The following PDE1C variants were observed in gnomAD, a reference collection of about 807,000 sequenced individuals.
PDE1C encodes the protein phosphodiesterase 1C, also known as dual specificity calcium/calmodulin-dependent 3',5'-cyclic nucleotide phosphodiesterase 1C.
A neutral mutation model predicts 93.1 loss-of-function variants in PDE1C; 62 were observed. The observed-to-expected ratio is 0.67, with a 90% CI of 0.54 to 0.82. The LOEUF is 0.82. Ranked by LOEUF, PDE1C falls within the 40% of genes least tolerant of loss-of-function variation. The pLI, the probability that PDE1C is intolerant of heterozygous loss-of-function variation, is 0.00. For missense variants in PDE1C, 742 were observed against 884.6 expected, an observed-to-expected ratio of 0.84 and a Z score of 2.04; for synonymous variants, 325 against 310.1, an observed-to-expected ratio of 1.05 and a Z score of -0.50.
chr7:31,893,283 C>T (rs913981684), intron 2 of PDE1C, among the ~76,000 whole-genome samples: 25 of 152,082 alleles, frequency 1.6e-4, no homozygotes, highest in Non-Finnish European at 2.4e-4. Flanking sequence ...AATTACCATT[C>T]AATTTCCTTC....
intron 3 of PDE1C, among the ~76,000 whole-genome samples, chr7:32,083,451 C>G (rs1185900190): frequency 1.4e-4 from 21 of 152,258 alleles, no homozygotes; most frequent in African/African-American, 4.6e-4. Context: ...AGGAGAACTT[C>G]CCCAGTCTAG....
intron 1 of PDE1C, among the ~76,000 whole-genome samples, chr7:32,348,829 T>C (rs896584172): frequency 2.0e-5 from 3 of 152,194 alleles, no homozygotes; most frequent in African/African-American, 7.2e-5. Flanking sequence ...AACTGCACCA[T>C]TGAGTGGGCC....
intron 1 of PDE1C, among the ~76,000 whole-genome samples, chr7:32,308,113 A>G (rs1813063985): frequency 6.6e-6 from 1 of 152,256 alleles, no homozygotes; most frequent in East Asian, 1.9e-4. Flanking sequence ...TCCAACGCCC[A>G]CGGAGTCTCG....
the PDE1C span, among the ~76,000 whole-genome samples, chr7:31,619,188 G>A: frequency 6.6e-6 from 1 of 152,148 alleles, no homozygotes; most frequent in Non-Finnish European, 1.5e-5. Flanking sequence ...TACAGGCAAG[G>A]TGTCCTTTCT....
chr7:31,890,805 A>G (rs918497244), intron 2 of PDE1C, among the ~76,000 whole-genome samples: 8 of 151,548 alleles, frequency 5.3e-5, no homozygotes, highest in African/African-American at 1.5e-4. Context: ...AGATTAACTC[A>G]AGAAAAATTA....
intron 3 of PDE1C, among the ~76,000 whole-genome samples, chr7:32,087,313 A>G (rs7805998): frequency 0.055 from 8,285 of 151,730 alleles, 754 homozygotes; most frequent in African/African-American, 0.19. Flanking sequence ...ACCATCTCAC[A>G]CCAGTTAGAA....
the PDE1C span, among the ~76,000 whole-genome samples, chr7:31,636,054 G>C: frequency 6.6e-6 from 1 of 152,174 alleles, no homozygotes; most frequent in Admixed American, 6.5e-5. Context: ...GCAGGAGAGA[G>C]AATGAGAGCT....
intron 1 of PDE1C, among the ~76,000 whole-genome samples, chr7:32,376,136 G>A (rs1784428292): frequency 6.6e-6 from 1 of 152,122 alleles, no homozygotes; most frequent in East Asian, 1.9e-4. Context: ...CTGCCTGCCT[G>A]GGTGACAGCG....
Position 32,244,060 on chromosome 7 carries a change from TG to T in PDE1C, c.86-34522del, listed in dbSNP as rs199947304. 3.3e-3 allele frequency among the ~76,000 whole-genome samples: 505 copies of T among 152,310 alleles called. 5 individuals are homozygous for T. Among genetic ancestry groups the T allele is most frequent in the African/African-American group, 0.012 (482 of 41,576 alleles). ...CTCTCAGTGAGTTCCTTCTACATTC[TG>T]ACACATGATGGAATTGTAGGAGGAA... On this transcript the variant is annotated intron_variant, in intron 1 of 18. Transcript: ENST00000396193.
At chr7:31,822,945 T>C in intron 14 of PDE1C, 128 bp downstream of exon 14, 1 of 739,862 alleles carries the variant, frequency 1.4e-6, no homozygotes, top group South Asian at 2.1e-5. Flanking sequence ...CAAAAGATGG[T>C]AGATTCTAAT....
intron 2 of PDE1C, among the ~76,000 whole-genome samples, chr7:32,001,621 C>A (rs187506751): frequency 1.3e-5 from 2 of 152,232 alleles, no homozygotes; most frequent in East Asian, 3.9e-4. Flanking sequence ...ACCAGCGACC[C>A]CATCATTGAG....
chr7:31,881,240 C>T (rs1797213945), intron 2 of PDE1C, among the ~76,000 whole-genome samples: 1 of 152,136 alleles, frequency 6.6e-6, no homozygotes, highest in Non-Finnish European at 1.5e-5. Context: ...GTTGAAGGCA[C>T]TTGGTCCAGC....
At chr7:32,212,661 T>C (rs1584969896) in intron 1 of PDE1C, among the ~76,000 whole-genome samples, 1 of 152,182 alleles carries the variant, frequency 6.6e-6, no homozygotes, top group East Asian at 1.9e-4. Flanking sequence ...TGGCTCCTGC[T>C]GCCTGCTAGC....
intron 2 of PDE1C, among the ~76,000 whole-genome samples, chr7:31,954,351 A>C (rs1277216986): frequency 6.6e-6 from 1 of 152,146 alleles, no homozygotes; most frequent in Non-Finnish European, 1.5e-5. Context: ...TGAGTACCCA[A>C]ATCACCAGCT....
At chr7:31,917,618 C>T (rs1802091088) in intron 2 of PDE1C, among the ~76,000 whole-genome samples, 1 of 151,736 alleles carries the variant, frequency 6.6e-6, no homozygotes, top group South Asian at 2.1e-4. Context: ...AAAAAAAAAA[C>T]TGAACTAACA....
chr7:31,878,841 T>C (rs942788734), intron 4 of PDE1C, among the ~76,000 whole-genome samples, 155 bp downstream of exon 4: 3 of 152,194 alleles, frequency 2.0e-5, no homozygotes, highest in African/African-American at 7.2e-5. Context: ...AATAGATATG[T>C]TTTTGCCATT....
intron 2 of PDE1C, among the ~76,000 whole-genome samples, chr7:32,196,694 T>C (rs1291534501): frequency 6.6e-6 from 1 of 152,174 alleles, no homozygotes; most frequent in Non-Finnish European, 1.5e-5. Flanking sequence ...TTTTAAAAGA[T>C]TGCTCTGGCA....
At chr7:31,622,976 A>G in the PDE1C span, among the ~76,000 whole-genome samples, 2 of 151,934 alleles carry the variant, frequency 1.3e-5, no homozygotes, top group African/African-American at 4.8e-5. Flanking sequence ...TACTACAAAC[A>G]TCTACGCCAA....
chr7:32,426,274 CT>C (rs11332404), intron 1 of PDE1C, among the ~76,000 whole-genome samples: 62,664 of 138,548 alleles, frequency 0.45, 13,789 homozygotes, highest in Admixed American at 0.49. Flanking sequence ...TATATTTGTA[CT>C]TTTTTTTTTT....
Sources: gnomAD v4.1 joint callset for allele counts (sites outside exome capture counted in the v4.1 genomes callset) on GRCh38, gnomAD v4.1.1 for gene constraint, MANE v1.5 for transcripts, NCBI Gene and HGNC (gene_info 2026-07-23, HGNC 2026-07-21) for gene names.